The following PC variants were observed in gnomAD, a reference collection of about 807,000 sequenced individuals.
PC encodes the protein pyruvate carboxylase.
A neutral mutation model predicts 107.8 loss-of-function variants in PC; 46 were observed. The observed-to-expected ratio is 0.43, with a 90% CI of 0.34 to 0.55. The LOEUF (loss-of-function observed/expected upper bound fraction) is 0.55. Ranked by LOEUF, PC falls within the 20% of genes least tolerant of loss-of-function variation. The probability of loss-of-function intolerance (pLI) is 0.04; values close to 1 mark genes in which losing one functional copy is unlikely to be tolerated. For missense variants in PC, 1,241 were observed against 1,643.1 expected (o/e 0.76, Z 4.23); for synonymous variants, 662 against 684.7 (o/e 0.97, Z 0.52).
chr11:66,948,884 G>GT (rs1386557082), intron 3 of PC, among the ~76,000 whole-genome samples: 1 of 151,868 alleles, frequency 6.6e-6, no homozygotes, highest in African/African-American at 2.4e-5. Flanking sequence ...GTATAGGAAA[G>GT]TTTAAGAAAA....
At chr11:66,859,173 A>C in intron 12 of PC, 5 of 1,410,812 alleles carry the variant, frequency 3.5e-6, no homozygotes, top group Non-Finnish European at 4.7e-6. Context: ...CTTTGCTTCC[A>C]CCCCTCCTCT....
At chr11:66,914,038 C>T (rs968527793) in intron 3 of PC, among the ~76,000 whole-genome samples, 4 of 152,166 alleles carry the variant, frequency 2.6e-5, no homozygotes, top group Admixed American at 6.5e-5. Flanking sequence ...AGCCCAGGTA[C>T]GTCTCGTTTC....
intron 3 of PC, among the ~76,000 whole-genome samples, chr11:66,920,850 C>T (rs1362618118): frequency 1.3e-5 from 2 of 152,030 alleles, no homozygotes; most frequent in Non-Finnish European, 2.9e-5. Context: ...CCAGACTGAC[C>T]AACAAGGTGA....
rs1158223624 is a variant in PC, at chr11:66,858,634, G to A, written c.1368+5140C>T. The A allele has an allele frequency of 4.6e-6, 7 of 1,537,950 alleles. No homozygotes were observed. The highest frequency in any genetic ancestry group is 6.1e-6 in the Non-Finnish European group (7 of 1,143,902). On this transcript the variant is annotated intron_variant, in intron 12 of 22. Transcript: ENST00000393960. The surrounding 1 kb of genome is among the most constrained non-coding windows in gnomAD (Gnocchi z 5.9). ...CGCCTCTGGGTGCTGGAAGGCCAGC[G>A]GGCCACGCTGCGGTGCCGGGCCCTG...
intron 16 of PC, among the ~76,000 whole-genome samples, chr11:66,851,586 A>G (rs1172487624): frequency 6.6e-6 from 1 of 152,182 alleles, no homozygotes; most frequent in Non-Finnish European, 1.5e-5. Context: ...CTGCCCCAGG[A>G]GTGAGGGAGT....
At chr11:66,859,178 T>G (rs1299588058) in intron 12 of PC, 26 of 1,406,702 alleles carry the variant, frequency 1.8e-5, no homozygotes, top group Non-Finnish European at 2.4e-5. Flanking sequence ...CTTCCACCCC[T>G]CCTCTCTCTG....
rs988820452 is a variant in PC at position 66,904,181 on chromosome 11, A to C, written c.1-32022T>G. Among the ~76,000 whole-genome samples the C allele has an allele frequency of 7.2e-5, 11 of 152,022 alleles. 1 individual carries two copies. Among genetic ancestry groups the C allele is most frequent in the Admixed American group, 7.2e-4 (11 of 15,250 alleles). ...GCCTATCTCCCACCCCTAATGTCCC[A>C]CACCAGTTCCTGATCTCCTGCCCCA... is the stretch of plus-strand genomic sequence containing the variant. On this transcript the variant is annotated intron_variant, in intron 3 of 22. Coordinates refer to ENST00000393960, the MANE Select transcript of PC (RefSeq NM_001040716.2).
chr11:66,909,594 C>T (rs1312413973), intron 3 of PC, among the ~76,000 whole-genome samples: 1 of 152,196 alleles, frequency 6.6e-6, no homozygotes, highest in Non-Finnish European at 1.5e-5. Flanking sequence ...CCTGAGTCTC[C>T]ATCAGCACTG....
In PC at chr11:66,870,265, C is replaced by T. The variant is rs563394394; in HGVS notation, c.903+37G>A. The T allele has an allele frequency of 7.5e-6, 12 of 1,610,442 alleles. No individual in the cohort carries two copies. Among genetic ancestry groups the T allele is most frequent in the East Asian group, 4.5e-5 (2 of 44,872 alleles). ...TGTGAGGCCTGCCGGCCTGTGAGCA[C>T]AGGCTCCTGTCCCAACACGGGAAGC... On this transcript the variant is annotated intron_variant, in intron 9 of 22. Coordinates refer to ENST00000393960, the MANE Select transcript of PC (RefSeq NM_001040716.2). This position sits in a 1 kb window ranked among gnomAD's most constrained non-coding sequence, Gnocchi z 6.1.
chr11:66,896,324 C>A (rs987618916), intron 3 of PC, among the ~76,000 whole-genome samples: 1 of 152,226 alleles, frequency 6.6e-6, no homozygotes, highest in African/African-American at 2.4e-5. Context: ...AGTGATCCAC[C>A]TGCCTCGGCC....
Position 66,850,697 on chromosome 11 carries a change from G to A in PC, c.2450C>T (p.Thr817Ile), listed in dbSNP as rs778593008. Residue 817 changes from threonine (T) to isoleucine (I), a missense_variant, in exon 18 of 23, where the codon ACC (threonine) becomes ATC (isoleucine). Thr to Ile is a moderately conservative substitution (Grantham distance 89). This residue lies in a region of PC where 1,143 missense variants were observed against 1,551.9 expected (regional missense o/e 0.74). Coordinates refer to ENST00000393960, the MANE Select transcript of PC (RefSeq NM_001040716.2). ...QPSMGALVAC[T>I]RGTPLDTEVP... ...ACCTGTGTCCAGGGGAGTCCCTCTG[G>A]TACAGGCCACCAGGGCCCCCATGCT... 1 of 1,610,602 alleles carries A rather than the reference G, an allele frequency of 6.2e-7. No individual in the cohort carries two copies. The highest frequency in any genetic ancestry group is 8.5e-7 in the Non-Finnish European group (1 of 1,179,854).
At position 66,849,355 on chromosome 11, in the gene PC, C is replaced by T. The variant is rs1945332837; in HGVS notation, c.3163G>A (p.Gly1055Ser). 6.2e-7 allele frequency: 1 copy of T among 1,613,028 alleles called. No homozygotes were observed. The highest frequency in any genetic ancestry group is 8.5e-7 in the Non-Finnish European group (1 of 1,180,032). Residue 1055 changes from glycine (G) to serine (S), a missense_variant, in exon 22 of 23, where the codon GGC (glycine) becomes AGC (serine). By Grantham distance (56) the Gly-to-Ser change is moderately conservative. Coordinates refer to ENST00000393960, the MANE Select transcript of PC (RefSeq NM_001040716.2). ...AGGGCTTTGATGTGCAGCGTCTTGC[C>T]CCGCTCCAGCTCCACCTGCAGGGAG... is the stretch of plus-strand genomic sequence containing the variant. ...AEEFEVELER[G>S]KTLHIKALAV... is the part of the protein sequence containing the mutation.
In PC at chr11:66,858,021, G is replaced by A. The variant is rs199993747; in HGVS notation, c.1369-4638C>T. 4.0e-5 allele frequency: 64 copies of A among 1,611,934 alleles called. No individual in the cohort carries two copies. The highest frequency in any genetic ancestry group is 5.3e-5 in the Non-Finnish European group (62 of 1,179,936). ...CACCCGCATTGGGGCCCGCGCCTTT[G>A]GGGACCTCGAGAGCCTGCGTTCCCT... On this transcript the variant is annotated intron_variant, in intron 12 of 22. Coordinates refer to ENST00000393960, the MANE Select transcript of PC (RefSeq NM_001040716.2). The surrounding 1 kb of genome is among the most constrained non-coding windows in gnomAD (Gnocchi z 5.9).
intron 3 of PC, among the ~76,000 whole-genome samples, chr11:66,912,983 C>T (rs536863442): frequency 1.3e-5 from 2 of 152,152 alleles, no homozygotes. Context: ...GATAAGCCCC[C>T]ACCCAGCAAC....
rs1362933667 is a variant in PC at position 66,857,364 on chromosome 11, G to A, written c.1369-3981C>T. The A allele has an allele frequency of 5.5e-6, 1 of 183,066 alleles. No homozygotes were observed. The highest frequency in any genetic ancestry group is 2.4e-5 in the African/African-American group (1 of 42,352). The allele number at this position is 183,066 out of a possible 1,614,324, so 11.3% of individuals were successfully genotyped here. On this transcript the variant is annotated intron_variant, in intron 12 of 22. Coordinates refer to ENST00000393960, the MANE Select transcript of PC (RefSeq NM_001040716.2). This position sits in a 1 kb window ranked among gnomAD's most constrained non-coding sequence, Gnocchi z 7.1. ...GGGCCACGGACTCCACGGGAGGTTCGGGGGGCGCCTTCTCTGGCGGGGGAG... is the reference window on the plus strand; with the variant it reads ...GGGCCACGGACTCCACGGGAGGTTCAGGGGGCGCCTTCTCTGGCGGGGGAG...
At chr11:66,951,273 G>A (rs1288705198) in intron 3 of PC, among the ~76,000 whole-genome samples, 1 of 152,202 alleles carries the variant, frequency 6.6e-6, no homozygotes, top group Non-Finnish European at 1.5e-5. Context: ...GAAGGGAAGA[G>A]CATTATTGTT....
intron 3 of PC, 56 bp from the exon 4 acceptor site, chr11:66,872,215 G>A: frequency 6.5e-7 from 1 of 1,547,530 alleles, no homozygotes; most frequent in Non-Finnish European, 8.7e-7. Flanking sequence ...AGGCTCCTCA[G>A]AATGAGTGAG....
At chr11:66,890,393 C>T in intron 3 of PC, among the ~76,000 whole-genome samples, 1 of 130,568 alleles carries the variant, frequency 7.7e-6, no homozygotes. Flanking sequence ...GATTGTTTCC[C>T]ATTTTTTTTT....
intron 3 of PC, among the ~76,000 whole-genome samples, chr11:66,881,611 C>G (rs973070738): frequency 6.6e-6 from 1 of 152,262 alleles, no homozygotes; most frequent in African/African-American, 2.4e-5. Context: ...CTGAGCTCCA[C>G]CTGGTGCCCG....
Sources: allele counts gnomAD v4.1 joint callset (sites outside exome capture counted in the v4.1 genomes callset), GRCh38; gene constraint gnomAD v4.1.1; regional missense constraint gnomAD v4.1.1; non-coding constraint Gnocchi (gnomAD v3.1); transcripts MANE v1.5; gene names NCBI Gene and HGNC (gene_info 2026-07-23, HGNC 2026-07-21).